Variants in PASD1 observed in about 807,000 individuals in gnomAD.
PASD1 encodes the protein PAS domain containing repressor 1.
Under a neutral mutation model 58.8 loss-of-function variants are expected in PASD1, and 13 were observed. That is an observed-to-expected ratio of 0.22 (90% CI 0.14 to 0.35). The LOEUF (loss-of-function observed/expected upper bound fraction) is 0.35. PASD1 is among the 10% of genes least tolerant of loss of function. PASD1 has a pLI of 1.00. For synonymous variants in PASD1, 236 were observed against 216.7 expected (o/e 1.09, Z -0.78); for missense variants, 734 against 568.3 (o/e 1.29, Z -2.96).
At chrX:151,586,873 C>T (rs2124236879) in intron 1 of PASD1, among the ~76,000 whole-genome samples, 1 of 111,846 alleles carries the variant, frequency 8.9e-6, no homozygotes, top group East Asian at 2.8e-4. Flanking sequence ...TGCCAGTCTT[C>T]CCCACAAGCC....
In PASD1 at chrX:151,563,768, C is replaced by T. The variant is rs764082388; in HGVS notation, c.-99C>T. ...GCCCACCAGGCTCCCGGGCTCTCACCGGAGACCACAGGGAGGAGCTTCAAG... is the reference window on the plus strand; with the variant it reads ...GCCCACCAGGCTCCCGGGCTCTCACTGGAGACCACAGGGAGGAGCTTCAAG... On this transcript the variant is annotated 5_prime_UTR_variant, in exon 1 of 16. Coordinates refer to ENST00000370357, the MANE Select transcript of PASD1 (RefSeq NM_173493.3). 2 of 112,419 alleles carry T rather than the reference C, an allele frequency of 1.8e-5. No individual in the cohort carries two copies. The highest frequency in any genetic ancestry group is 3.2e-5 in the African/African-American group (1 of 30,897). 9.3% of individuals were successfully genotyped at this position (112,419 alleles called of 1,213,427 possible).
chrX:151,647,419 T>C (rs190512612), intron 8 of PASD1, among the ~76,000 whole-genome samples: 347 of 110,696 alleles, frequency 3.1e-3, no homozygotes, highest in African/African-American at 0.011. Flanking sequence ...AGTGACTCCA[T>C]TTATGTTTGT....
At chrX:151,675,273 T>G (rs940529061) in intron 15 of PASD1, among the ~76,000 whole-genome samples, 7 of 111,378 alleles carry the variant, frequency 6.3e-5, no homozygotes, top group African/African-American at 2.0e-4. Context: ...CCTGCTATCC[T>G]CAGGATGAAA....
intron 1 of PASD1, among the ~76,000 whole-genome samples, chrX:151,598,743 C>T (rs990038108): frequency 3.6e-5 from 4 of 111,354 alleles, no homozygotes; most frequent in Non-Finnish European, 7.5e-5. Flanking sequence ...CATCTTTGTC[C>T]ACATCTATTT....
intron 4 of PASD1, among the ~76,000 whole-genome samples, chrX:151,618,496 C>T (rs144688431): frequency 0.01 from 1,131 of 111,910 alleles, 18 homozygotes; most frequent in African/African-American, 0.035. Context: ...ATTCATTCAA[C>T]CAATATTTAC....
intron 12 of PASD1, 89 bp downstream of exon 12, chrX:151,671,285 G>A: frequency 9.6e-7 from 1 of 1,042,712 alleles, no homozygotes; most frequent in Non-Finnish European, 1.3e-6. Context: ...CAAGCCTTAA[G>A]GAGTTAGTCA....
At chrX:151,606,731 C>T (rs913871400) in intron 3 of PASD1, among the ~76,000 whole-genome samples, 1 of 110,239 alleles carries the variant, frequency 9.1e-6, no homozygotes, top group African/African-American at 3.3e-5. Context: ...TAACTCAGAG[C>T]AAACCGTCTC....
At chrX:151,571,265 C>T (rs2012923806) in intron 1 of PASD1, among the ~76,000 whole-genome samples, 1 of 111,991 alleles carries the variant, frequency 8.9e-6, no homozygotes, top group Non-Finnish European at 1.9e-5. Context: ...TGTCCTTTGG[C>T]ATTATGCAAA....
intron 1 of PASD1, among the ~76,000 whole-genome samples, chrX:151,583,709 G>A (rs1047492249): frequency 1.8e-5 from 2 of 112,159 alleles, no homozygotes; most frequent in Non-Finnish European, 3.8e-5. Context: ...TGTGAACTTT[G>A]TGAGGACAGA....
At chrX:151,675,225 A>G (rs1173667442) in intron 15 of PASD1, among the ~76,000 whole-genome samples, 1 of 112,069 alleles carries the variant, frequency 8.9e-6, no homozygotes, top group Non-Finnish European at 1.9e-5. Flanking sequence ...GGGCAGGACC[A>G]AGTCGGAGCT....
At chrX:151,599,745 A>G (rs1466434130) in intron 1 of PASD1, among the ~76,000 whole-genome samples, 2 of 91,479 alleles carry the variant, frequency 2.2e-5, no homozygotes, top group East Asian at 3.8e-4. Flanking sequence ...CCTAGATGGG[A>G]TGACGGCTGG....
rs1055628928 is a variant in PASD1, at chrX:151,661,014, G to A, written c.841+1178G>A. On this transcript the variant is annotated intron_variant, in intron 10 of 15. Transcript: ENST00000370357. ...TAAAAATACAAAAAATTAGCCGGGC[G>A]TGGTGGCAGGCACGCCTGTAGTCCC... is the stretch of plus-strand genomic sequence containing the variant. Among the ~76,000 whole-genome samples the A allele has an allele frequency of 1.1e-3, 121 of 111,054 alleles. 8 individuals are homozygous for A. The highest frequency in any genetic ancestry group is 1.1e-4 in the Non-Finnish European group (6 of 52,974).
At chrX:151,609,434 A>G (rs1322467574) in intron 3 of PASD1, among the ~76,000 whole-genome samples, 1 of 111,641 alleles carries the variant, frequency 9.0e-6, no homozygotes, top group Non-Finnish European at 1.9e-5. Context: ...AATCTTGCGT[A>G]ACTGAAACTC....
intron 15 of PASD1, among the ~76,000 whole-genome samples, chrX:151,674,827 CT>C (rs1166461613): frequency 2.8e-5 from 3 of 107,974 alleles, no homozygotes; most frequent in Admixed American, 9.9e-5. Flanking sequence ...ATAGCCTAAC[CT>C]TTTTTTTTTC....
chrX:151,654,162 G>A (rs535618291), intron 9 of PASD1, among the ~76,000 whole-genome samples: 1 of 106,298 alleles, frequency 9.4e-6, no homozygotes, highest in African/African-American at 3.4e-5. Flanking sequence ...TAGAGACAGG[G>A]TCTCACTATA....
At chrX:151,567,925 A>C (rs1264506716) in intron 1 of PASD1, among the ~76,000 whole-genome samples, 1 of 111,249 alleles carries the variant, frequency 9.0e-6, no homozygotes, top group East Asian at 2.8e-4. Flanking sequence ...GGGTTTTGCT[A>C]TGTTGTCCAG....
At chrX:151,608,738 A>G (rs2013516627) in intron 3 of PASD1, among the ~76,000 whole-genome samples, 1 of 111,674 alleles carries the variant, frequency 9.0e-6, no homozygotes, top group Non-Finnish European at 1.9e-5. Context: ...ATTCTAAACT[A>G]GTGATTTCAT....
In PASD1 at chrX:151,617,003, A is replaced by G. The variant is rs770854048; in HGVS notation, c.208-3927A>G. ...TGCTTCTTGCCTAGGTTCTCAGTAA[A>G]TGTCATGAAGTCCTCAGTAAATTTC... On this transcript the variant is annotated intron_variant, in intron 4 of 15. Transcript: ENST00000370357. 7.0e-4 allele frequency among the ~76,000 whole-genome samples: 78 copies of G among 111,585 alleles called. No homozygotes were observed. The Middle Eastern group carries it at 0.014, about 20-fold the overall frequency.
intron 9 of PASD1, among the ~76,000 whole-genome samples, chrX:151,658,651 T>C (rs1602960015): frequency 8.9e-6 from 1 of 111,985 alleles, no homozygotes; most frequent in East Asian, 2.8e-4. Flanking sequence ...ATATCACTTA[T>C]TAGGGAGTAT....
Sources: allele counts gnomAD v4.1 joint callset (sites outside exome capture counted in the v4.1 genomes callset), GRCh38; gene constraint gnomAD v4.1.1; transcripts MANE v1.5; gene names NCBI Gene and HGNC (gene_info 2026-07-23, HGNC 2026-07-21).